Variants in EFNA1 observed in about 807,000 individuals in gnomAD.
The protein encoded by EFNA1 is ephrin-A1.
EFNA1 carries 8 observed loss-of-function variants against 23.2 expected under a neutral mutation model. That is an observed-to-expected ratio of 0.34 (90% confidence interval 0.20 to 0.62). The LOEUF (loss-of-function observed/expected upper bound fraction) is 0.62. Among genes scored for constraint, EFNA1 ranks in the 20% least tolerant of loss-of-function variants. The probability of loss-of-function intolerance (pLI) is 0.75; values close to 1 mark genes in which losing one functional copy is unlikely to be tolerated. For missense variants in EFNA1, 217 were observed against 260.0 expected, an observed-to-expected ratio of 0.83 and a Z score of 1.14; for synonymous variants, 89 against 98.6, an observed-to-expected ratio of 0.90 and a Z score of 0.58.
intron 4 of EFNA1, 56 bp from the exon 5 acceptor site, chr1:155,133,899 C>A: frequency 6.2e-7 from 1 of 1,604,674 alleles, no homozygotes; most frequent in East Asian, 2.2e-5. Flanking sequence ...GGGCTGAGAG[C>A]CAGTACAAAT....
chr1:155,130,615 T>G, intron 1 of EFNA1: 1 of 985,198 alleles, frequency 1.0e-6, no homozygotes, highest in South Asian at 4.7e-5. Context: ...AGGGTTGTTT[T>G]GGGGTGCTCT....
rs1342555827 is a variant in EFNA1 at position 155,134,093 on chromosome 1, A to G, written c.*26A>G. On this transcript the variant is annotated 3_prime_UTR_variant, in exon 5 of 5. Coordinates refer to ENST00000368407, the MANE Select transcript of EFNA1 (RefSeq NM_004428.3). Reference sequence around the variant, plus strand: ...AGGTGTATGCCACACCTGGCCTTAAAGAGGGACAGGCTGAAGAGAGGGACA... The same window carrying G: ...AGGTGTATGCCACACCTGGCCTTAAGGAGGGACAGGCTGAAGAGAGGGACA... The G allele has an allele frequency of 6.2e-7, 1 of 1,607,888 alleles. No homozygotes were observed. Among genetic ancestry groups the G allele is most frequent in the Non-Finnish European group, 8.5e-7 (1 of 1,176,304 alleles).
rs1664232873 is a variant in EFNA1, at chr1:155,131,188, C to G, written c.93-151C>G. On this transcript the variant is annotated intron_variant, in intron 1 of 4. Coordinates refer to ENST00000368407, the MANE Select transcript of EFNA1 (RefSeq NM_004428.3). Reference sequence around the variant, plus strand: ...GATGGCAGAGAGAAATGTAAGACATCAAGATCAGTACATATTGGGAGTTGA... The same window carrying G: ...GATGGCAGAGAGAAATGTAAGACATGAAGATCAGTACATATTGGGAGTTGA... The G allele has an allele frequency of 1.5e-5, 20 of 1,334,524 alleles. 1 individual carries two copies. The Middle Eastern group carries it at 1.4e-3, about 91-fold the overall frequency. The allele number at this position is 1,334,524 out of a possible 1,614,324, so 82.7% of individuals were successfully genotyped here. A position where few individuals can be genotyped will look rare whatever the true frequency, so the allele number is the denominator to read the frequency against.
At position 155,133,505 on chromosome 1, in the gene EFNA1, A is replaced by G. The variant is rs773180386; in HGVS notation, c.391A>G (p.Lys131Glu). The G allele has an allele frequency of 2.5e-6, 4 of 1,614,148 alleles. No individual in the cohort carries two copies. In the South Asian group the frequency reaches 4.4e-5, roughly 18 times the overall value. ...ACCCCTGTGGGCTTATCTTGCAGCC[A>G]AACCCATCCACCAGCATGAAGACCG... The part of the protein sequence containing the change: ...KEGHSYYYIS[K>E]PIHQHEDRCL... Residue 131 changes from lysine (K) to glutamate (E), a missense_variant and splice_region_variant, in exon 3 of 5, where the codon AAA (lysine) becomes GAA (glutamate). Physicochemically the swap from Lys to Glu is moderately conservative, Grantham distance 56. Coordinates refer to ENST00000368407, the MANE Select transcript of EFNA1 (RefSeq NM_004428.3).
chr1:155,130,458 T>G, intron 1 of EFNA1: 2 of 947,254 alleles, frequency 2.1e-6, no homozygotes, highest in Non-Finnish European at 2.5e-6. Flanking sequence ...TGGCTCCACC[T>G]TGGGAGGAGG....
chr1:155,129,280 T>C (rs921283501), intron 1 of EFNA1, among the ~76,000 whole-genome samples: 4 of 152,006 alleles, frequency 2.6e-5, no homozygotes, highest in African/African-American at 4.8e-5. Flanking sequence ...AGGTGTTGAC[T>C]GGAGGAGGAG....
At chr1:155,133,677 G>A (rs1485585176) in intron 3 of EFNA1, 53 bp from the exon 4 acceptor site, 1 of 1,610,082 alleles carries the variant, frequency 6.2e-7, no homozygotes, top group Non-Finnish European at 8.5e-7. Context: ...CATACTTACA[G>A]CCCTCTGCCT....
intron 1 of EFNA1, chr1:155,130,922 G>A: frequency 1.0e-6 from 1 of 985,400 alleles, no homozygotes; most frequent in African/African-American, 1.7e-5. Flanking sequence ...GAATGGACCT[G>A]TGGGGGTCTC....
chr1:155,130,423 G>C (rs1664207945), intron 1 of EFNA1: 1 of 818,428 alleles, frequency 1.2e-6, no homozygotes, highest in Non-Finnish European at 1.5e-6. Flanking sequence ...GTGGGGCCAG[G>C]GGGAATGAAC....
chr1:155,132,980 G>T (rs926307788), intron 2 of EFNA1, among the ~76,000 whole-genome samples: 1 of 151,782 alleles, frequency 6.6e-6, no homozygotes, highest in Non-Finnish European at 1.5e-5. Context: ...GCACGATCTC[G>T]ACTTGCTGCA....
intron 1 of EFNA1, 96 bp from the exon 2 acceptor site, chr1:155,131,243 G>A (rs1396800665): frequency 2.2e-5 from 33 of 1,472,264 alleles, no homozygotes; most frequent in Middle Eastern, 2.4e-4. Flanking sequence ...GGGGTCCAGT[G>A]TGAAATGTGA....
In EFNA1 at chr1:155,131,375, G is replaced by A; in HGVS notation, c.129G>A (p.Leu43=). The change falls in exon 2 of 5, where the codon CTG becomes CTA. Residue 43 remains leucine, a synonymous_variant. Transcript: ENST00000368407. ...RNEDYTIHVQ[L]NDYVDIICPH... is the part of the protein sequence containing the mutation. ...AGGACTACACCATACATGTGCAGCT[G>A]AATGACTACGTGGACATCATCTGTC... 2 of 1,613,918 alleles carry A rather than the reference G, an allele frequency of 1.2e-6. No homozygotes were observed. The highest frequency in any genetic ancestry group is 1.7e-6 in the Non-Finnish European group (2 of 1,179,828).
At chr1:155,128,402 C>T (rs1452375451) in intron 1 of EFNA1, among the ~76,000 whole-genome samples, 1 of 151,738 alleles carries the variant, frequency 6.6e-6, no homozygotes, top group African/African-American at 2.4e-5. Context: ...AGGCCCCCCA[C>T]CCCCCCACTG....
At position 155,131,572 on chromosome 1, in the gene EFNA1, A is replaced by C. The variant is rs748101140; in HGVS notation, c.326A>C (p.Gln109Pro). The C allele has an allele frequency of 6.2e-7, 1 of 1,614,054 alleles. No individual in the cohort carries two copies. The highest frequency in any genetic ancestry group is 1.1e-5 in the South Asian group (1 of 91,064). The change falls in exon 2 of 5, where the codon CAG (glutamine) becomes CCG (proline). Residue 109 changes from glutamine (Q) to proline (P), a missense_variant. Gln to Pro is a moderately conservative substitution (Grantham distance 76). Coordinates refer to ENST00000368407, the MANE Select transcript of EFNA1 (RefSeq NM_004428.3). ...HGPEKLSEKF[Q>P]RFTPFTLGKE... is the part of the protein sequence containing the mutation. ...CCGGAGAAGCTGTCTGAGAAGTTCC[A>C]GCGCTTCACACCTTTCACCCTGGGC...
chr1:155,130,390 G>A (rs939652110), intron 1 of EFNA1: 6 of 504,806 alleles, frequency 1.2e-5, no homozygotes, highest in Non-Finnish European at 1.5e-5. Context: ...GGGAGGGGCT[G>A]GTGGGCAGTC....
At chr1:155,132,687 G>C (rs1331549954) in intron 2 of EFNA1, among the ~76,000 whole-genome samples, 1 of 151,536 alleles carries the variant, frequency 6.6e-6, no homozygotes, top group Non-Finnish European at 1.5e-5. Context: ...AAAATTAGCC[G>C]AGTGTGGTGG....
In EFNA1 at chr1:155,131,615, A is replaced by G. The variant is rs1402259214; in HGVS notation, c.369A>G (p.Gly123=). ...CCCTGGGCAAGGAGTTCAAAGAAGG[A>G]CACAGCTACTACTACATCTGTGAGT... ...PFTLGKEFKE[G]HSYYYISKPI... Residue 123 remains glycine, a synonymous_variant, in exon 2 of 5, where the codon GGA becomes GGG. Transcript: ENST00000368407. 6.2e-7 allele frequency: 1 copy of G among 1,612,624 alleles called. No individual in the cohort carries two copies. The highest frequency in any genetic ancestry group is 8.5e-7 in the Non-Finnish European group (1 of 1,178,950).
rs1166042953 is a variant in EFNA1, at chr1:155,133,749, T to G, written c.474T>G (p.His158Gln). The G allele has an allele frequency of 1.9e-6, 3 of 1,613,942 alleles. No homozygotes were observed. The highest frequency in any genetic ancestry group is 2.5e-6 in the Non-Finnish European group (3 of 1,180,008). The change falls in exon 4 of 5, where the codon CAT (histidine) becomes CAG (glutamine). Residue 158 changes from histidine to glutamine, a missense_variant. Physicochemically the swap from His to Gln is conservative, Grantham distance 24. Coordinates refer to ENST00000368407, the MANE Select transcript of EFNA1 (RefSeq NM_004428.3). ...SGKITHSPQA[H>Q]DNPQEKRLAA... is the part of the protein sequence containing the mutation. Reference sequence around the variant, plus strand: ...TTTCAGCTCACAGTCCTCAGGCCCATGACAATCCACAGGAGAAGAGACTTG... The same window carrying G: ...TTTCAGCTCACAGTCCTCAGGCCCAGGACAATCCACAGGAGAAGAGACTTG...
chr1:155,128,864 C>T (rs1278158461), intron 1 of EFNA1, among the ~76,000 whole-genome samples: 2 of 152,142 alleles, frequency 1.3e-5, no homozygotes, highest in Admixed American at 1.3e-4. Context: ...TGTTCTTGCC[C>T]TTGAGTTTTC....
Sources: allele counts gnomAD v4.1 joint callset (sites outside exome capture counted in the v4.1 genomes callset), GRCh38; gene constraint gnomAD v4.1.1; transcripts MANE v1.5; gene names NCBI Gene and HGNC (gene_info 2026-07-23, HGNC 2026-07-21).